EBF2: variants seen among roughly 807,000 people sequenced by gnomAD.
EBF2 encodes EBF transcription factor 2, also known as transcription factor COE2.
In EBF2, 21 loss-of-function variants were observed where a neutral mutation model predicts 72.8. That is an observed-to-expected ratio of 0.29 (90% confidence interval 0.20 to 0.42). The LOEUF (loss-of-function observed/expected upper bound fraction) is 0.42, where lower values mean the gene tolerates loss of function less well. Ranked by LOEUF, EBF2 falls within the 10% of genes least tolerant of loss-of-function variation. The pLI is 1.00. For missense variants in EBF2, 637 were observed against 731.2 expected, an observed-to-expected ratio of 0.87 and a Z score of 1.49; for synonymous variants, 299 against 274.2, an observed-to-expected ratio of 1.09 and a Z score of -0.89.
chr8:25,950,085 C>G (rs983934687), intron 6 of EBF2, among the ~76,000 whole-genome samples: 4 of 152,206 alleles, frequency 2.6e-5, no homozygotes, highest in African/African-American at 9.6e-5. Flanking sequence ...GAACATCATC[C>G]GAAGACCAGC....
chr8:25,999,734 T>C lies in EBF2; in HGVS notation c.551+33351A>G, dbSNP rs191165369. On this transcript the variant is annotated intron_variant, in intron 6 of 15. Transcript: ENST00000520164. The stretch of plus-strand genomic sequence containing the variant: ...GAAAGTTCCTCCCTTCCATTTTCTC[T>C]TTCTATCGTCGTGTTCAGTCTGTCC... Among the ~76,000 whole-genome samples the C allele has an allele frequency of 2.5e-3, 385 of 152,120 alleles. 5 individuals are homozygous for C. Among genetic ancestry groups the C allele is most frequent in the Admixed American group, 0.023 (346 of 15,264 alleles).
At chr8:25,998,166 C>T (rs1563203409) in intron 6 of EBF2, among the ~76,000 whole-genome samples, 1 of 152,112 alleles carries the variant, frequency 6.6e-6, no homozygotes, top group African/African-American at 2.4e-5. Context: ...ATCCCTGGGT[C>T]GTGGCACACT....
chr8:25,991,355 T>C (rs970358575), intron 6 of EBF2, among the ~76,000 whole-genome samples: 1 of 152,242 alleles, frequency 6.6e-6, no homozygotes, highest in Admixed American at 6.5e-5. Flanking sequence ...GAAGCCTTTG[T>C]GCCTATTCTG....
intron 6 of EBF2, among the ~76,000 whole-genome samples, chr8:25,924,025 C>A (rs938866555): frequency 2.0e-5 from 3 of 152,108 alleles, no homozygotes; most frequent in African/African-American, 4.8e-5. Context: ...TATGTTAATA[C>A]CGATAATGTA....
intron 6 of EBF2, among the ~76,000 whole-genome samples, chr8:26,018,331 A>G (rs938507564): frequency 4.6e-5 from 7 of 151,536 alleles, no homozygotes; most frequent in African/African-American, 1.7e-4. Flanking sequence ...GGCTGCAAGT[A>G]GAAGGGAGCA....
intron 6 of EBF2, among the ~76,000 whole-genome samples, chr8:25,991,403 G>T (rs1393902761): frequency 2.6e-5 from 4 of 152,218 alleles, no homozygotes; most frequent in Admixed American, 2.6e-4. Flanking sequence ...CCCATTGTAT[G>T]CCAGGAACTG....
chr8:26,040,492 GT>G (rs1297480045), intron 4 of EBF2, 123 bp downstream of exon 4: 82 of 844,330 alleles, frequency 9.7e-5, no homozygotes, highest in Admixed American at 1.4e-4. Flanking sequence ...GGAGGGGGAC[GT>G]GGAGGGGGCT....
intron 14 of EBF2, among the ~76,000 whole-genome samples, chr8:25,851,854 G>A (rs1030804366): frequency 6.6e-6 from 1 of 152,204 alleles, no homozygotes; most frequent in East Asian, 1.9e-4. Context: ...AAGGTGAACT[G>A]AAGGTCAAAT....
chr8:25,949,806 G>C (rs932336672), intron 6 of EBF2, among the ~76,000 whole-genome samples: 6 of 152,200 alleles, frequency 3.9e-5, no homozygotes, highest in African/African-American at 1.4e-4. Flanking sequence ...TGGGGAGGCA[G>C]TCAGGAAAGT....
At chr8:25,923,962 A>G (rs1803345495) in intron 6 of EBF2, among the ~76,000 whole-genome samples, 1 of 152,218 alleles carries the variant, frequency 6.6e-6, no homozygotes, top group African/African-American at 2.4e-5. Context: ...TTGAAAAGTG[A>G]AGATAAATGT....
At chr8:26,035,140 A>G (rs955478941) in intron 5 of EBF2, among the ~76,000 whole-genome samples, 10 of 63,004 alleles carry the variant, frequency 1.6e-4, no homozygotes, top group Admixed American at 2.5e-4. Context: ...ACCCAGTCTT[A>G]GAATTTTTTT....
At chr8:25,986,127 TTA>T (rs375210913) in intron 6 of EBF2, among the ~76,000 whole-genome samples, 2 of 152,078 alleles carry the variant, frequency 1.3e-5, no homozygotes, top group East Asian at 3.9e-4. Flanking sequence ...TGAGCAACTA[TTA>T]TATGCTGGGT....
Position 25,850,961 on chromosome 8 carries a change from T to A in EBF2, c.1529-200A>T, listed in dbSNP as rs558453698. The stretch of plus-strand genomic sequence containing the variant: ...ACACATAAAACAACTAATATGGTAA[T>A]GACGCTATTAGAGGAAGGTACCCAA... On this transcript the variant is annotated intron_variant, in intron 14 of 15. Transcript: ENST00000520164. Among the ~76,000 whole-genome samples the A allele has an allele frequency of 2.0e-5, 3 of 151,986 alleles. No homozygotes were observed. The East Asian group carries it at 5.8e-4, about 29-fold the overall frequency.
chr8:25,993,858 C>T (rs1002990608), intron 6 of EBF2, among the ~76,000 whole-genome samples: 1 of 151,970 alleles, frequency 6.6e-6, no homozygotes, highest in Non-Finnish European at 1.5e-5. Context: ...TCTAGGTGTA[C>T]CCAAACTTTC....
intron 5 of EBF2, among the ~76,000 whole-genome samples, chr8:26,034,708 G>T (rs1158223677): frequency 6.6e-6 from 1 of 152,200 alleles, no homozygotes. Context: ...GTTGGCTAAG[G>T]ATGTAGCCTT....
At chr8:25,845,574 T>A (rs1287682351) in intron 15 of EBF2, among the ~76,000 whole-genome samples, 1 of 152,208 alleles carries the variant, frequency 6.6e-6, no homozygotes, top group Non-Finnish European at 1.5e-5. Flanking sequence ...AATCTAATTC[T>A]TTCTCCCTTC....
At chr8:25,909,839 T>A (rs1306618311) in intron 6 of EBF2, among the ~76,000 whole-genome samples, 4 of 152,346 alleles carry the variant, frequency 2.6e-5, no homozygotes, top group Admixed American at 2.6e-4. Context: ...GCTCTTTTAC[T>A]CTGTTTGCTG....
At chr8:25,900,987 C>A (rs559038569) in intron 7 of EBF2, among the ~76,000 whole-genome samples, 1 of 151,952 alleles carries the variant, frequency 6.6e-6, no homozygotes, top group African/African-American at 2.4e-5. Context: ...ATATTCCCAA[C>A]GTAGAGAAAT....
Position 25,889,833 on chromosome 8 carries a change from C to T in EBF2, c.670G>A (p.Val224Ile), listed in dbSNP as rs760869149. 39 of 1,613,838 alleles carry T rather than the reference C, an allele frequency of 2.4e-5. No individual in the cohort carries two copies. The highest frequency in any genetic ancestry group is 1.1e-4 in the South Asian group (10 of 91,084). ...AACATGTTGTCAGAAACAGCCAGGACGTGTCCATCCACATTCACCGTTGTT... is the reference window on the plus strand; with the variant it reads ...AACATGTTGTCAGAAACAGCCAGGATGTGTCCATCCACATTCACCGTTGTT... ...LSTTVNVDGH[V>I]LAVSDNMFVH... Residue 224 changes from valine to isoleucine, a missense_variant, in exon 8 of 16, where the codon GTC becomes ATC. Physicochemically the swap from Val to Ile is conservative, Grantham distance 29. Transcript: ENST00000520164.
Sources: gnomAD v4.1 joint callset for allele counts (sites outside exome capture counted in the v4.1 genomes callset) on GRCh38, gnomAD v4.1.1 for gene constraint, MANE v1.5 for transcripts, NCBI Gene and HGNC (gene_info 2026-07-23, HGNC 2026-07-21) for gene names.